MYO5B: variants seen among roughly 807,000 people sequenced by gnomAD.
The protein encoded by MYO5B is myosin VB, also known as unconventional myosin-Vb.
A neutral mutation model predicts 229.3 loss-of-function variants in MYO5B; 143 were observed. That is an observed-to-expected ratio of 0.62 (90% CI 0.54 to 0.72). MYO5B has a LOEUF of 0.72. Among genes scored for constraint, MYO5B ranks in the 30% least tolerant of loss-of-function variants. The pLI is 0.00. For missense variants in MYO5B, 2,321 were observed against 2,331.0 expected (o/e 1.00, Z 0.09); for synonymous variants, 918 against 885.2 (o/e 1.04, Z -0.66).
chr18:49,966,670 G>A (rs143035299), intron 10 of MYO5B, among the ~76,000 whole-genome samples: 3 of 152,336 alleles, frequency 2.0e-5, no homozygotes, highest in African/African-American at 4.8e-5. Flanking sequence ...TCTCAGACTT[G>A]TCATTTTCTA....
At chr18:50,158,947 T>A (rs1401640052) in intron 1 of MYO5B, among the ~76,000 whole-genome samples, 1 of 152,180 alleles carries the variant, frequency 6.6e-6, no homozygotes. Flanking sequence ...CACCACGATG[T>A]TTGCCGTTAT....
intron 4 of MYO5B, among the ~76,000 whole-genome samples, chr18:50,015,253 GAC>G (rs1449739780): frequency 6.6e-6 from 1 of 152,164 alleles, no homozygotes; most frequent in East Asian, 1.9e-4. Flanking sequence ...GAACCCCTCT[GAC>G]CTAGTGAACT....
chr18:50,101,800 T>C (rs908967170), intron 1 of MYO5B, among the ~76,000 whole-genome samples: 2 of 152,278 alleles, frequency 1.3e-5, no homozygotes, highest in African/African-American at 4.8e-5. Flanking sequence ...GGAATGTAAA[T>C]TAGTTCATTG....
intron 39 of MYO5B, among the ~76,000 whole-genome samples, chr18:49,832,120 A>G (rs1005608642): frequency 6.6e-6 from 1 of 152,182 alleles, no homozygotes; most frequent in Non-Finnish European, 1.5e-5. Context: ...AGAATTTTGG[A>G]AATAGTGGTG....
At chr18:49,953,122 A>C (rs2025447219) in intron 14 of MYO5B, 138 bp downstream of exon 14, 6 of 767,512 alleles carry the variant, frequency 7.8e-6, no homozygotes, top group Non-Finnish European at 1.4e-5. Flanking sequence ...TTTCATACCG[A>C]AATGACCAAC....
chr18:50,057,032 T>C (rs1164996526), intron 1 of MYO5B, among the ~76,000 whole-genome samples: 1 of 152,228 alleles, frequency 6.6e-6, no homozygotes, highest in Non-Finnish European at 1.5e-5. Context: ...TAAAATAATA[T>C]AGAGCTTTAA....
intron 1 of MYO5B, chr18:50,097,760 G>A (rs2031580325): frequency 6.5e-6 from 1 of 152,982 alleles, no homozygotes; most frequent in Admixed American, 6.5e-5. Flanking sequence ...AAGCCTCTCG[G>A]GGCCTACAGG....
At chr18:50,044,247 G>A (rs1244304245) in intron 2 of MYO5B, among the ~76,000 whole-genome samples, 1 of 152,110 alleles carries the variant, frequency 6.6e-6, no homozygotes, top group Non-Finnish European at 1.5e-5. Context: ...AGGCAGGAGT[G>A]AGAGACTTGA....
rs193274045 is a variant in MYO5B, at chr18:50,167,868, G to T, written c.27+26899C>A. ...GCCCATCTGCCCTCTGGCCCCACGG[G>T]TAAGGCAAAAACACTTTCCTATCAT... On this transcript the variant is annotated intron_variant, in intron 1 of 39. Transcript: ENST00000285039. Among the ~76,000 whole-genome samples the T allele has an allele frequency of 8.5e-3, 1,296 of 152,206 alleles. 11 individuals carry two copies. The highest frequency in any genetic ancestry group is 0.017 in the Middle Eastern group (5 of 294).
chr18:49,890,241 G>A (rs1212229960), intron 22 of MYO5B, among the ~76,000 whole-genome samples: 1 of 152,236 alleles, frequency 6.6e-6, no homozygotes, highest in Non-Finnish European at 1.5e-5. Context: ...CCCCCACTTT[G>A]TGGTGTCAGG....
intron 38 of MYO5B, among the ~76,000 whole-genome samples, chr18:49,836,484 A>G (rs1241065174): frequency 6.6e-6 from 1 of 152,152 alleles, no homozygotes; most frequent in African/African-American, 2.4e-5. Context: ...AGTAAGAGGG[A>G]TAGAGAGTTA....
At chr18:50,033,360 C>T (rs4939933) in intron 4 of MYO5B, among the ~76,000 whole-genome samples, 114,368 of 152,018 alleles carry the variant, frequency 0.75, 43,507 homozygotes, top group Admixed American at 0.83. Flanking sequence ...TTTTCTCGGA[C>T]GATCTGTGAC....
chr18:50,189,915 G>A lies in MYO5B; in HGVS notation c.27+4852C>T, dbSNP rs544885656. Among the ~76,000 whole-genome samples, 38 of 152,260 alleles carry A rather than the reference G, an allele frequency of 2.5e-4. No individual in the cohort carries two copies. The South Asian group carries it at 7.5e-3, about 30-fold the overall frequency. ...TGATTGGTCCCAAATCGCGCCCTTA[G>A]TAAAGGCTCCTGGGTGCAAAGCTGC... On this transcript the variant is annotated intron_variant, in intron 1 of 39. Coordinates refer to ENST00000285039, the MANE Select transcript of MYO5B (RefSeq NM_001080467.3).
chr18:50,044,903 A>G (rs1433506025), intron 2 of MYO5B, among the ~76,000 whole-genome samples: 2 of 151,752 alleles, frequency 1.3e-5, no homozygotes, highest in Non-Finnish European at 2.9e-5. Context: ...GGAGGGGGGA[A>G]AAAGGAGGGA....
At chr18:49,922,562 T>C (rs1214920836) in intron 17 of MYO5B, among the ~76,000 whole-genome samples, 3 of 152,124 alleles carry the variant, frequency 2.0e-5, no homozygotes, top group African/African-American at 7.2e-5. Flanking sequence ...ACAGTGCCTC[T>C]TTCCAAAAGT....
intron 4 of MYO5B, among the ~76,000 whole-genome samples, chr18:50,003,861 C>T (rs545270166): frequency 1.3e-5 from 2 of 152,114 alleles, no homozygotes; most frequent in African/African-American, 4.8e-5. Flanking sequence ...TAATAAGGAT[C>T]CAGGGGAAGC....
At chr18:50,050,358 G>A (rs1366719255) in intron 2 of MYO5B, among the ~76,000 whole-genome samples, 1 of 152,134 alleles carries the variant, frequency 6.6e-6, no homozygotes, top group Non-Finnish European at 1.5e-5. Flanking sequence ...CAAGGTGAAC[G>A]AGTCTGAGTG....
chr18:49,928,382 G>A (rs763501862), intron 17 of MYO5B, among the ~76,000 whole-genome samples: 2 of 152,196 alleles, frequency 1.3e-5, no homozygotes, highest in African/African-American at 2.4e-5. Context: ...GGTGGCTCAC[G>A]CCTGTCATCC....
chr18:50,114,316 T>C (rs573691260), intron 1 of MYO5B, among the ~76,000 whole-genome samples: 2 of 152,214 alleles, frequency 1.3e-5, no homozygotes, highest in Non-Finnish European at 2.9e-5. Flanking sequence ...AGTCAAGTCA[T>C]GGCTGGGCAA....
Sources: gnomAD v4.1 joint callset for allele counts (sites outside exome capture counted in the v4.1 genomes callset) on GRCh38, gnomAD v4.1.1 for gene constraint, MANE v1.5 for transcripts, NCBI Gene and HGNC (gene_info 2026-07-23, HGNC 2026-07-21) for gene names.